The following USP22 variants were observed in gnomAD, a reference collection of about 807,000 sequenced individuals.
USP22 encodes the protein ubiquitin specific peptidase 22.
A neutral mutation model predicts 68.1 loss-of-function variants in USP22; 22 were observed. That is an observed-to-expected ratio of 0.32 (90% CI 0.23 to 0.46). The LOEUF (loss-of-function observed/expected upper bound fraction) is 0.46. USP22 is among the 20% of genes least tolerant of loss of function. The pLI, the probability that USP22 is intolerant of heterozygous loss-of-function variation, is 1.00. For synonymous variants in USP22, 279 were observed against 274.2 expected (o/e 1.02, Z -0.17); for missense variants, 433 against 695.8 (o/e 0.62, Z 4.25).
At chr17:21,042,524 G>T in intron 1 of USP22, 141 bp downstream of exon 1, 1 of 783,234 alleles carries the variant, frequency 1.3e-6, no homozygotes, top group Non-Finnish European at 1.7e-6. Flanking sequence ...AGAGAAGAGA[G>T]GGCAGAAGGA....
intron 8 of USP22, among the ~76,000 whole-genome samples, chr17:21,008,759 A>G (rs1913856660): frequency 6.6e-6 from 1 of 152,148 alleles, no homozygotes; most frequent in Non-Finnish European, 1.5e-5. Flanking sequence ...CTGCATGTGA[A>G]TCTACAATGA....
intron 1 of USP22, among the ~76,000 whole-genome samples, chr17:21,029,615 G>A (rs1294054596): frequency 6.6e-6 from 1 of 152,318 alleles, no homozygotes; most frequent in East Asian, 1.9e-4. Context: ...TCACAACTGT[G>A]AAAATAGTAG....
chr17:21,042,458 G>C (rs1178324408), intron 1 of USP22, among the ~76,000 whole-genome samples: 1 of 144,180 alleles, frequency 6.9e-6, no homozygotes, highest in East Asian at 2.1e-4. Context: ...AGGAAGATGA[G>C]GAGATAAGGG....
rs753336594 is a variant in USP22 at position 21,018,148 on chromosome 17, GTGC to G, written c.521-40_521-38del. On this transcript the variant is annotated intron_variant, in intron 4 of 12. Transcript: ENST00000261497. The stretch of plus-strand genomic sequence containing the variant: ...TCACCAGAGAGCAGGAGTTACCTGT[GTGC>G]TGAACCACAGGTGTCGCTGGATCCC... The G allele has an allele frequency of 1.3e-5, 20 of 1,519,232 alleles. No homozygotes were observed. The Admixed American group carries it at 3.0e-4, about 23-fold the overall frequency. 94.1% of individuals were successfully genotyped at this position (1,519,232 alleles called of 1,614,324 possible). A position where few individuals can be genotyped will look rare whatever the true frequency, so the allele number is the denominator to read the frequency against.
chr17:21,001,422 GA>G lies in USP22; in HGVS notation c.*1608del, dbSNP rs1913573104. 1 of 152,196 alleles carries G rather than the reference GA, an allele frequency of 6.6e-6. No homozygotes were observed. Among genetic ancestry groups the G allele is most frequent in the African/African-American group, 2.4e-5 (1 of 41,508 alleles). 9.4% of individuals were successfully genotyped at this position (152,196 alleles called of 1,614,324 possible). On this transcript the variant is annotated 3_prime_UTR_variant, in exon 13 of 13. Transcript: ENST00000261497. The stretch of plus-strand genomic sequence containing the variant: ...CCCCACCAGCTTCTCCATGGCCTGT[GA>G]GCTAAGAATAGGTTTCACGTTTTTA...
chr17:21,002,703 C>T lies in USP22; in HGVS notation c.*328G>A. 3.1e-6 allele frequency: 1 copy of T among 326,234 alleles called. No homozygotes were observed. The highest frequency in any genetic ancestry group is 2.9e-5 in the South Asian group (1 of 34,610). The allele number at this position is 326,234 out of a possible 1,614,324, so 20.2% of individuals were successfully genotyped here. ...ACACCGAGTGCTGGGGAACGCCAGG[C>T]AGCGGTCACTCTGTGCTGTGAGGCC... On this transcript the variant is annotated 3_prime_UTR_variant, in exon 13 of 13. Coordinates refer to ENST00000261497, the MANE Select transcript of USP22 (RefSeq NM_015276.2).
chr17:21,043,021 G>A (rs1972463949), upstream of USP22: 2 of 294,424 alleles, frequency 6.8e-6, no homozygotes, highest in Non-Finnish European at 1.2e-5. Flanking sequence ...GGCAGGCACC[G>A]CCCCCGAGCT....
intron 8 of USP22, among the ~76,000 whole-genome samples, chr17:21,009,257 A>C (rs906061209): frequency 2.0e-5 from 3 of 152,170 alleles, no homozygotes; most frequent in African/African-American, 7.2e-5. Flanking sequence ...GCACACGCCA[A>C]ATTTTGAAGC....
At chr17:21,019,670 G>GA (rs1972130282) in intron 3 of USP22, among the ~76,000 whole-genome samples, 1 of 130,668 alleles carries the variant, frequency 7.7e-6, no homozygotes, top group Non-Finnish European at 1.7e-5. Context: ...AAAATATTCA[G>GA]AGAGTGGTGG....
intron 1 of USP22, among the ~76,000 whole-genome samples, chr17:21,031,173 C>T (rs1972286010): frequency 6.6e-6 from 1 of 152,206 alleles, no homozygotes; most frequent in Non-Finnish European, 1.5e-5. Flanking sequence ...TACCCTACAG[C>T]CTAACGCTTC....
At chr17:21,041,469 G>C in intron 1 of USP22, among the ~76,000 whole-genome samples, 1 of 151,984 alleles carries the variant, frequency 6.6e-6, no homozygotes, top group East Asian at 2.0e-4. Context: ...GTGGTAGCAG[G>C]AGCCTGTAAT....
At chr17:21,036,306 A>C (rs966779561) in intron 1 of USP22, among the ~76,000 whole-genome samples, 3 of 152,168 alleles carry the variant, frequency 2.0e-5, no homozygotes, top group African/African-American at 7.2e-5. Flanking sequence ...CTGAGCTTTA[A>C]AGCACAAAGA....
At chr17:21,025,700 A>G (rs1972211212) in intron 2 of USP22, among the ~76,000 whole-genome samples, 1 of 152,234 alleles carries the variant, frequency 6.6e-6, no homozygotes, top group Non-Finnish European at 1.5e-5. Context: ...AATACAACTC[A>G]GATGAATCAC....
At chr17:21,013,947 G>A (rs896094422) in intron 6 of USP22, among the ~76,000 whole-genome samples, 4 of 152,214 alleles carry the variant, frequency 2.6e-5, no homozygotes, top group Non-Finnish European at 4.4e-5. Context: ...GGTGGCGGGC[G>A]CCTGTAGTCC....
chr17:21,008,731 C>G (rs1278868320), intron 8 of USP22, among the ~76,000 whole-genome samples: 1 of 151,870 alleles, frequency 6.6e-6, no homozygotes, highest in Admixed American at 6.6e-5. Flanking sequence ...GTAAAGGGTA[C>G]CTAAAGGCTT....
At position 21,021,144 on chromosome 17, in the gene USP22, C is replaced by A; in HGVS notation, c.387G>T (p.Lys129Asn). 6.2e-7 allele frequency: 1 copy of A among 1,614,160 alleles called. No individual in the cohort carries two copies. Among genetic ancestry groups the A allele is most frequent in the Non-Finnish European group, 8.5e-7 (1 of 1,180,014 alleles). ...IYDKDMEIIA[K>N]EEQRKAWKMQ... ...TTTTCCAAGCTTTTCGCTGCTCCTC[C>A]TTGGCGATTATTTCCATGTCTTTGT... The change falls in exon 3 of 13, where the codon AAG (lysine) becomes AAT (asparagine). Residue 129 changes from lysine to asparagine, a missense_variant. This residue lies in a region of USP22 where 144 missense variants were observed against 237.2 expected (regional missense o/e 0.61). Coordinates refer to ENST00000261497, the MANE Select transcript of USP22 (RefSeq NM_015276.2).
At chr17:21,032,478 G>A (rs1163016145) in intron 1 of USP22, among the ~76,000 whole-genome samples, 3 of 152,174 alleles carry the variant, frequency 2.0e-5, no homozygotes, top group Non-Finnish European at 4.4e-5. Context: ...ATAGCCTCTG[G>A]AGTGGCTACC....
chr17:21,012,828 A>C lies in USP22; in HGVS notation c.944+2T>G. On this transcript the variant is annotated splice_donor_variant, in intron 7 of 12. Coordinates refer to ENST00000261497, the MANE Select transcript of USP22 (RefSeq NM_015276.2). LOFTEE classifies it high-confidence loss of function. ...TTGCCGAGCACGCAGCCTCTCACTTACTGGCAGACTTGGCAGGTGACGTCT... is the reference window on the plus strand; with the variant it reads ...TTGCCGAGCACGCAGCCTCTCACTTCCTGGCAGACTTGGCAGGTGACGTCT... 6.2e-7 allele frequency: 1 copy of C among 1,613,620 alleles called. No individual in the cohort carries two copies. The highest frequency in any genetic ancestry group is 8.5e-7 in the Non-Finnish European group (1 of 1,179,724).
chr17:21,014,545 A>G (rs1425034040), intron 6 of USP22, among the ~76,000 whole-genome samples: 2 of 152,242 alleles, frequency 1.3e-5, no homozygotes, highest in African/African-American at 4.8e-5. Context: ...AAAAGAAAAC[A>G]GAACCCAAAG....
Sources: gnomAD v4.1 joint callset for allele counts (sites outside exome capture counted in the v4.1 genomes callset) on GRCh38, gnomAD v4.1.1 for gene constraint, gnomAD v4.1.1 regional missense constraint, MANE v1.5 for transcripts, NCBI Gene and HGNC (gene_info 2026-07-23, HGNC 2026-07-21) for gene names.